Variants in NLGN1 observed in about 807,000 individuals in gnomAD.
NLGN1 encodes neuroligin-1.
Under a neutral mutation model 65.5 loss-of-function variants are expected in NLGN1, and 12 were observed. That is an observed-to-expected ratio of 0.18 (90% confidence interval 0.12 to 0.30). The LOEUF (loss-of-function observed/expected upper bound fraction) is 0.30, where lower values mean the gene tolerates loss of function less well. Ranked by LOEUF, NLGN1 falls within the 10% of genes least tolerant of loss-of-function variation. NLGN1 has a pLI of 1.00. For missense variants in NLGN1, 750 were observed against 1,007.1 expected (o/e 0.74, Z 3.46); for synonymous variants, 350 against 359.5 (o/e 0.97, Z 0.30).
chr3:174,109,104 T>A (rs1433649309), intron 4 of NLGN1, among the ~76,000 whole-genome samples: 1 of 152,044 alleles, frequency 6.6e-6, no homozygotes, highest in African/African-American at 2.4e-5. Context: ...TCTTATTAAA[T>A]TTTTTCCTTT....
intron 4 of NLGN1, among the ~76,000 whole-genome samples, chr3:174,265,777 A>ATG (rs1553984522): frequency 8.2e-6 from 1 of 122,170 alleles, no homozygotes; most frequent in Admixed American, 8.2e-5. Context: ...ATATATATAT[A>ATG]TATATGTATA....
intron 4 of NLGN1, among the ~76,000 whole-genome samples, chr3:173,844,858 A>G (rs926788671): frequency 2.0e-4 from 31 of 152,230 alleles, no homozygotes; most frequent in African/African-American, 7.0e-4. Context: ...TTGTCACTAC[A>G]TTTAAGGCGG....
chr3:173,797,016 A>G (rs1714241805), intron 3 of NLGN1, among the ~76,000 whole-genome samples: 1 of 152,192 alleles, frequency 6.6e-6, no homozygotes, highest in Non-Finnish European at 1.5e-5. Context: ...AAAGTGAGCC[A>G]GAGAGCTGGA....
chr3:173,539,435 A>G (rs1647667970), intron 2 of NLGN1, among the ~76,000 whole-genome samples: 1 of 146,418 alleles, frequency 6.8e-6, no homozygotes, highest in South Asian at 2.1e-4. Flanking sequence ...TATAACATAT[A>G]TATGTACATG....
rs1349876563 is a variant in NLGN1 at position 174,280,389 on chromosome 3, G to C, written c.1650-92G>C. 7.2e-6 allele frequency: 6 copies of C among 832,224 alleles called. No individual in the cohort carries two copies. The highest frequency in any genetic ancestry group is 1.1e-5 in the Non-Finnish European group (6 of 535,034). 51.6% of individuals were successfully genotyped at this position (832,224 alleles called of 1,614,324 possible). A position where few individuals can be genotyped will look rare whatever the true frequency, so the allele number is the denominator to read the frequency against. ...AAAACACAATCTAAAGCATTGCTGA[G>C]TCATCTATTTAATTATTAGATGTTA... On this transcript the variant is annotated intron_variant, in intron 6 of 6. Transcript: ENST00000457714. The surrounding 1 kb of genome is among the most constrained non-coding windows in gnomAD (Gnocchi z 4.9).
intron 2 of NLGN1, among the ~76,000 whole-genome samples, chr3:173,502,391 A>G (rs1044286323): frequency 1.3e-5 from 2 of 152,108 alleles, no homozygotes; most frequent in Non-Finnish European, 2.9e-5. Context: ...CTCTTAGATG[A>G]CACAAATTAA....
At chr3:174,094,984 G>A (rs940634519) in intron 4 of NLGN1, among the ~76,000 whole-genome samples, 2 of 152,048 alleles carry the variant, frequency 1.3e-5, no homozygotes, top group African/African-American at 4.8e-5. Context: ...AGGCCAAAGA[G>A]AATGCACTGT....
At chr3:173,913,968 A>G (rs978768939) in intron 4 of NLGN1, among the ~76,000 whole-genome samples, 18 of 152,192 alleles carry the variant, frequency 1.2e-4, no homozygotes, top group African/African-American at 3.9e-4. Context: ...CTTGTATAGC[A>G]TACTCAAAAC....
rs554691705 is a variant in NLGN1 at position 173,835,472 on chromosome 3, A to T, written c.646+27640A>T. On this transcript the variant is annotated intron_variant, in intron 4 of 6. Transcript: ENST00000457714. ...TCTTTGGATACATATTTCATTATCA[A>T]TCATCTAAGAAAAGTAATATTTCAT... 1.8e-4 allele frequency among the ~76,000 whole-genome samples: 28 copies of T among 152,030 alleles called. 1 individual carries two copies. Among genetic ancestry groups the T allele is most frequent in the African/African-American group, 6.7e-4 (28 of 41,492 alleles).
At chr3:173,397,626 C>T (rs1179294703), upstream of NLGN1, among the ~76,000 whole-genome samples, 1 of 152,152 alleles carries the variant, frequency 6.6e-6, no homozygotes, top group African/African-American at 2.4e-5. Context: ...GTTCCCCCGT[C>T]AGTCCCCCCA....
chr3:173,730,323 C>CT (rs1161144712), intron 3 of NLGN1, among the ~76,000 whole-genome samples: 7 of 28,698 alleles, frequency 2.4e-4, no homozygotes, highest in Non-Finnish European at 5.8e-4. Context: ...CCCCACCGCT[C>CT]CCCCCCCCCC....
intron 4 of NLGN1, among the ~76,000 whole-genome samples, chr3:174,021,533 C>T (rs149208957): frequency 3.9e-4 from 59 of 152,128 alleles, no homozygotes; most frequent in African/African-American, 1.4e-3. Flanking sequence ...TATGTTTTTA[C>T]ATTTTAATTT....
intron 2 of NLGN1, among the ~76,000 whole-genome samples, chr3:173,539,744 A>ATATGCACATATATACAGATATGTG (rs1738371775): frequency 7.5e-6 from 1 of 133,356 alleles, no homozygotes; most frequent in African/African-American, 3.3e-5. Flanking sequence ...ACATATATGT[A>ATATGCACATATATACAGATATGTG]CATATATAAC....
chr3:173,673,595 C>T (rs143742688), intron 3 of NLGN1, among the ~76,000 whole-genome samples: 142 of 152,218 alleles, frequency 9.3e-4, no homozygotes, highest in Non-Finnish European at 1.6e-3. Context: ...TAAAATAATG[C>T]TGTGAGCTCA....
At chr3:173,855,732 T>G (rs183550134) in intron 4 of NLGN1, among the ~76,000 whole-genome samples, 1 of 152,310 alleles carries the variant, frequency 6.6e-6, no homozygotes, top group Non-Finnish European at 1.5e-5. Flanking sequence ...GTAACTAATT[T>G]TGACATGAAA....
intron 3 of NLGN1, among the ~76,000 whole-genome samples, chr3:173,621,221 A>G (rs1180857077): frequency 6.6e-6 from 1 of 152,150 alleles, no homozygotes; most frequent in Non-Finnish European, 1.5e-5. Flanking sequence ...ATAGCTCTTC[A>G]TAAAAATGTA....
At chr3:173,614,287 C>T (rs1004371112) in intron 3 of NLGN1, among the ~76,000 whole-genome samples, 2 of 151,854 alleles carry the variant, frequency 1.3e-5, no homozygotes, top group African/African-American at 4.8e-5. Context: ...GTAACCCTGT[C>T]GAGTAGTAGT....
intron 4 of NLGN1, among the ~76,000 whole-genome samples, chr3:174,208,675 AAAAAAG>A (rs1429156948): frequency 1.3e-5 from 2 of 152,106 alleles, no homozygotes; most frequent in Non-Finnish European, 2.9e-5. Flanking sequence ...AAAAAAAAAA[AAAAAAG>A]GAGAACAATA....
intron 2 of NLGN1, among the ~76,000 whole-genome samples, chr3:173,579,424 C>T (rs150707406): frequency 1.1e-3 from 163 of 152,322 alleles, no homozygotes; most frequent in Non-Finnish European, 2.1e-3. Flanking sequence ...CCGCAGTGAG[C>T]CATGATCGTG....
Sources: gnomAD v4.1 joint callset for allele counts (sites outside exome capture counted in the v4.1 genomes callset) on GRCh38, gnomAD v4.1.1 for gene constraint, Gnocchi (gnomAD v3.1) non-coding constraint, MANE v1.5 for transcripts, NCBI Gene and HGNC (gene_info 2026-07-23, HGNC 2026-07-21) for gene names.